Variants in USP34 observed in about 807,000 individuals in gnomAD.
The protein encoded by USP34 is ubiquitin carboxyl-terminal hydrolase 34.
USP34 carries 70 observed loss-of-function variants against 460.3 expected under a neutral mutation model. That is an observed-to-expected ratio of 0.15 (90% confidence interval 0.13 to 0.19). The LOEUF is 0.19. USP34 is among the 10% of genes least tolerant of loss of function. The pLI is 1.00. For synonymous variants in USP34, 1,647 were observed against 1,405.3 expected, an observed-to-expected ratio of 1.17 and a Z score of -3.85; for missense variants, 3,985 against 4,236.2, an observed-to-expected ratio of 0.94 and a Z score of 1.65.
At position 61,370,569 on chromosome 2, in the gene USP34, T is replaced by C. The variant is rs756928002; in HGVS notation, c.1087A>G (p.Lys363Glu). Residue 363 changes from lysine to glutamate, a missense_variant, in exon 9 of 80, where the codon AAA becomes GAA. By Grantham distance (56) the Lys-to-Glu change is moderately conservative. Transcript: ENST00000398571. The stretch of plus-strand genomic sequence containing the variant: ...CTAATAAGCCAGTCTGCAAGTTCTT[T>C]TGCAATGGACCTAAAGTCAAGCAAT... Reference protein sequence around the residue: ...LVSDTETSIAKELADWLISNN... With the variant: ...LVSDTETSIAEELADWLISNN... 3 of 1,613,638 alleles carry C rather than the reference T, an allele frequency of 1.9e-6. No individual in the cohort carries two copies. Among genetic ancestry groups the C allele is most frequent in the Non-Finnish European group, 1.7e-6 (2 of 1,179,890 alleles).
At chr2:61,283,543 T>TC (rs937704970) in intron 35 of USP34, 94 bp from the exon 36 acceptor site, 38 of 1,355,602 alleles carry the variant, frequency 2.8e-5, no homozygotes, top group Admixed American at 1.3e-4. Context: ...GGTTATCACT[T>TC]CCCCCCCAAA....
chr2:61,300,891 GTTAC>G, intron 29 of USP34, 56 bp downstream of exon 29: 1 of 1,108,198 alleles, frequency 9.0e-7, no homozygotes. Context: ...TTTTATTAAA[GTTAC>G]TATATCCTCT....
intron 3 of USP34, among the ~76,000 whole-genome samples, chr2:61,397,058 A>G (rs1693551911): frequency 6.6e-6 from 1 of 152,212 alleles, no homozygotes; most frequent in Non-Finnish European, 1.5e-5. Flanking sequence ...TACGTTTGGA[A>G]ATATCTCAAC....
intron 33 of USP34, among the ~76,000 whole-genome samples, 159 bp downstream of exon 33, chr2:61,293,305 C>T (rs946122760): frequency 6.6e-6 from 1 of 151,968 alleles, no homozygotes; most frequent in African/African-American, 2.4e-5. Context: ...ACACTTATTC[C>T]TAATTAGTTT....
intron 41 of USP34, among the ~76,000 whole-genome samples, chr2:61,273,190 T>A (rs1445413591): frequency 6.6e-6 from 1 of 152,080 alleles, no homozygotes; most frequent in African/African-American, 2.4e-5. Context: ...GGAAAAAGAA[T>A]CTTCTAAATA....
rs545079562 is a variant in USP34 at position 61,409,085 on chromosome 2, T to C, written c.132-2957A>G. Among the ~76,000 whole-genome samples the C allele has an allele frequency of 5.3e-5, 8 of 151,670 alleles. No homozygotes were observed. The East Asian group carries it at 7.8e-4, about 15-fold the overall frequency. On this transcript the variant is annotated intron_variant, in intron 2 of 79. Coordinates refer to ENST00000398571, the MANE Select transcript of USP34 (RefSeq NM_014709.4). Reference sequence around the variant, plus strand: ...AAATACAAAAATTAGCTGGGCATGGTGGCACACACCTGTAATCCCACCTAC... The same window carrying C: ...AAATACAAAAATTAGCTGGGCATGGCGGCACACACCTGTAATCCCACCTAC...
At chr2:61,317,421 G>A (rs1031552440) in intron 23 of USP34, among the ~76,000 whole-genome samples, 5 of 152,104 alleles carry the variant, frequency 3.3e-5, no homozygotes, top group Admixed American at 6.5e-5. Flanking sequence ...CAGCTACTTC[G>A]GGGGCTGAGG....
At chr2:61,392,554 G>A (rs1449735425) in intron 5 of USP34, among the ~76,000 whole-genome samples, 1 of 152,066 alleles carries the variant, frequency 6.6e-6, no homozygotes, top group Non-Finnish European at 1.5e-5. Context: ...AACCCAGGAG[G>A]TGGATGCTGC....
chr2:61,394,967 T>A lies in USP34; in HGVS notation c.639A>T (p.Val213=), dbSNP rs939053909. The A allele has an allele frequency of 1.9e-6, 3 of 1,603,986 alleles. No individual in the cohort carries two copies. The highest frequency in any genetic ancestry group is 2.5e-6 in the Non-Finnish European group (3 of 1,177,098). ...GGCCATTTTTCCCACAAAACAAACATACATAACGAAGCAAATGCAATGGTA... is the reference window on the plus strand; with the variant it reads ...GGCCATTTTTCCCACAAAACAAACAAACATAACGAAGCAAATGCAATGGTA... The part of the protein sequence containing the change: ...VEVPLHLLRY[V]CLFCGKNGLS... Residue 213 remains valine, a synonymous_variant, in exon 5 of 80, where the codon GTA becomes GTT. Transcript: ENST00000398571.
chr2:61,405,023 C>T (rs1693826048), intron 3 of USP34, among the ~76,000 whole-genome samples: 1 of 151,570 alleles, frequency 6.6e-6, no homozygotes, highest in African/African-American at 2.4e-5. Flanking sequence ...GTCAGGAGAT[C>T]GAGACCATCC....
intron 21 of USP34, 97 bp downstream of exon 21, chr2:61,325,276 TAA>T (rs369202857): frequency 9.1e-4 from 552 of 603,318 alleles, no homozygotes; most frequent in South Asian, 1.4e-3. Context: ...TAAATTAAAC[TAA>T]AAAAAAAAAA....
intron 15 of USP34, among the ~76,000 whole-genome samples, chr2:61,346,869 G>A (rs919692290): frequency 1.3e-5 from 2 of 148,440 alleles, no homozygotes; most frequent in African/African-American, 5.0e-5. Flanking sequence ...CGGGCCTGGT[G>A]GCTCACACCT....
At chr2:61,357,309 T>C (rs914870679) in intron 10 of USP34, among the ~76,000 whole-genome samples, 2 of 152,098 alleles carry the variant, frequency 1.3e-5, no homozygotes, top group Non-Finnish European at 2.9e-5. Flanking sequence ...CACAAATATG[T>C]AGAAATTAAC....
chr2:61,199,955 TAAAAA>T (rs1228207041), intron 75 of USP34: 1 of 152,368 alleles, frequency 6.6e-6, no homozygotes, highest in Admixed American at 6.5e-5. Flanking sequence ...AAAAATAAAA[TAAAAA>T]CTACCATAAC....
intron 1 of USP34, among the ~76,000 whole-genome samples, chr2:61,445,017 G>C (rs910541356): frequency 6.6e-6 from 1 of 151,234 alleles, no homozygotes; most frequent in African/African-American, 2.4e-5. Context: ...AACAATGGAA[G>C]CCAGGGGACA....
At chr2:61,452,479 C>T (rs765564522) in intron 1 of USP34, among the ~76,000 whole-genome samples, 10 of 151,866 alleles carry the variant, frequency 6.6e-5, no homozygotes, top group Non-Finnish European at 1.3e-4. Context: ...CATGCATCAC[C>T]ACACCCTACT....
chr2:61,291,993 A>G (rs772152289), intron 33 of USP34, among the ~76,000 whole-genome samples: 2 of 152,164 alleles, frequency 1.3e-5, no homozygotes, highest in South Asian at 2.1e-4. Flanking sequence ...CATTTATAGG[A>G]AATGTCCAGA....
chr2:61,199,069 G>C (rs1436388006), intron 75 of USP34, among the ~76,000 whole-genome samples: 1 of 152,092 alleles, frequency 6.6e-6, no homozygotes, highest in African/African-American at 2.4e-5. Context: ...CCAATTAGCT[G>C]TTTGTGTTTT....
chr2:61,410,177 A>C (rs375869938), intron 2 of USP34, among the ~76,000 whole-genome samples: 41 of 152,192 alleles, frequency 2.7e-4, no homozygotes, highest in Non-Finnish European at 5.1e-4. Flanking sequence ...TAATGAAATA[A>C]TTCTACAACT....
Sources: gnomAD v4.1 joint callset for allele counts (sites outside exome capture counted in the v4.1 genomes callset) on GRCh38, gnomAD v4.1.1 for gene constraint, MANE v1.5 for transcripts, NCBI Gene and HGNC (gene_info 2026-07-23, HGNC 2026-07-21) for gene names.